GCM1: variants seen among roughly 807,000 people sequenced by gnomAD.
GCM1 encodes the protein chorion-specific transcription factor GCMa.
GCM1 carries 2 observed loss-of-function variants against 25.7 expected under a neutral mutation model. That is an observed-to-expected ratio of 0.08 (90% confidence interval 0.03 to 0.24). The LOEUF (loss-of-function observed/expected upper bound fraction) is 0.24, where lower values mean the gene tolerates loss of function less well. GCM1 is among the 10% of genes least tolerant of loss of function. GCM1 has a pLI of 1.00. For synonymous variants in GCM1, 183 were observed against 195.7 expected, an observed-to-expected ratio of 0.94 and a Z score of 0.54; for missense variants, 395 against 538.7, an observed-to-expected ratio of 0.73 and a Z score of 2.64.
intron 2 of GCM1, among the ~76,000 whole-genome samples, 200 bp downstream of exon 2, chr6:53,145,358 C>T (rs991712781): frequency 1.6e-4 from 24 of 152,114 alleles, no homozygotes; most frequent in African/African-American, 5.8e-4. Flanking sequence ...GTGTGGGAGT[C>T]TGGTAAGTAA....
intron 4 of GCM1, 145 bp downstream of exon 4, chr6:53,131,862 A>G (rs1305045987): frequency 4.7e-6 from 3 of 644,936 alleles, no homozygotes; most frequent in South Asian, 3.6e-5. Context: ...TCAAACATCT[A>G]TTAGAAGTGC....
chr6:53,132,870 G>A (rs1165991466), intron 3 of GCM1, among the ~76,000 whole-genome samples: 1 of 152,186 alleles, frequency 6.6e-6, no homozygotes, highest in Non-Finnish European at 1.5e-5. Context: ...ACAAACTACT[G>A]GGAAAAATAT....
At chr6:53,132,626 C>T (rs542038084) in intron 3 of GCM1, among the ~76,000 whole-genome samples, 68 of 152,242 alleles carry the variant, frequency 4.5e-4, no homozygotes, top group South Asian at 2.1e-4. Context: ...GCAGGAGAAT[C>T]GCTTGAACCT....
intron 3 of GCM1, 118 bp downstream of exon 3, chr6:53,133,954 C>T: frequency 3.0e-6 from 3 of 993,866 alleles, no homozygotes; most frequent in Non-Finnish European, 4.5e-6. Flanking sequence ...GCCTTGGCTG[C>T]CACTACACTC....
chr6:53,143,415 C>T (rs1763909139), intron 2 of GCM1, among the ~76,000 whole-genome samples: 1 of 152,098 alleles, frequency 6.6e-6, no homozygotes, highest in Non-Finnish European at 1.5e-5. Context: ...AAAAAATTGC[C>T]AGTTAAGACA....
Position 53,142,000 on chromosome 6 carries a change from G to GGAAAAAAAAAAAAAAAAAAAAAAAA in GCM1, c.75+3557_75+3558insTTTTTTTTTTTTTTTTTTTTTTTTC, listed in dbSNP as rs1259951702. 3.3e-4 allele frequency among the ~76,000 whole-genome samples: 4 copies of GGAAAAAAAAAAAAAAAAAAAAAAAA among 12,292 alleles called. 1 individual carries two copies. Among genetic ancestry groups the GGAAAAAAAAAAAAAAAAAAAAAAAA allele is most frequent in the Admixed American group, 1.5e-3 (1 of 666 alleles). 8.1% of individuals were successfully genotyped at this position (12,292 alleles called of 152,430 possible). A position where few individuals can be genotyped will look rare whatever the true frequency, so the allele number is the denominator to read the frequency against. ...GCTTGGGTAATGAGAGTGAGACCCT[G>GGAAAAAAAAAAAAAAAAAAAAAAAA]AAAAAAAAAAAAAAAAAAAAAAAAA... On this transcript the variant is annotated intron_variant, in intron 2 of 5. Transcript: ENST00000259803.
At chr6:53,147,466 T>A (rs1763976307) in intron 1 of GCM1, among the ~76,000 whole-genome samples, 1 of 141,232 alleles carries the variant, frequency 7.1e-6, no homozygotes, top group Non-Finnish European at 1.5e-5. Flanking sequence ...CTTACTCTTA[T>A]CACCCAGGCT....
chr6:53,145,316 G>A (rs1314627643), intron 2 of GCM1, among the ~76,000 whole-genome samples: 1 of 152,156 alleles, frequency 6.6e-6, no homozygotes, highest in Non-Finnish European at 1.5e-5. Context: ...GAAAGAGAAG[G>A]GAAGTAGAAA....
Position 53,128,071 on chromosome 6 carries a change from GA to G in GCM1, c.*134del. 2 of 191,934 alleles carry G rather than the reference GA, an allele frequency of 1.0e-5. No individual in the cohort carries two copies. The highest frequency in any genetic ancestry group is 9.3e-6 in the Non-Finnish European group (1 of 107,818). 11.9% of individuals were successfully genotyped at this position (191,934 alleles called of 1,614,324 possible). A position where few individuals can be genotyped will look rare whatever the true frequency, so the allele number is the denominator to read the frequency against. On this transcript the variant is annotated 3_prime_UTR_variant, in exon 6 of 6. Transcript: ENST00000259803. ...AAAAAAAAGAAGGAAAAAAGAAAAA[GA>G]AAAAAGCCTTGTCTACTGCTTATCA... is the stretch of plus-strand genomic sequence containing the variant.
At chr6:53,136,785 C>A (rs1763805401) in intron 2 of GCM1, among the ~76,000 whole-genome samples, 1 of 151,798 alleles carries the variant, frequency 6.6e-6, no homozygotes, top group Non-Finnish European at 1.5e-5. Flanking sequence ...GACCAGCCTG[C>A]CCAACATGGC....
chr6:53,133,771 G>A (rs1198511740), intron 3 of GCM1, among the ~76,000 whole-genome samples: 1 of 152,182 alleles, frequency 6.6e-6, no homozygotes, highest in Admixed American at 6.5e-5. Flanking sequence ...TGAGATTACA[G>A]GTGTGAGCCA....
At chr6:53,138,809 T>A (rs1763835198) in intron 2 of GCM1, among the ~76,000 whole-genome samples, 1 of 152,194 alleles carries the variant, frequency 6.6e-6, no homozygotes, top group Admixed American at 6.5e-5. Context: ...CTGGGTATAA[T>A]TTTTTACTAA....
rs1312480989 is a variant in GCM1 at position 53,142,021 on chromosome 6, A to G, written c.75+3537T>C. 8.7e-5 allele frequency among the ~76,000 whole-genome samples: 12 copies of G among 138,048 alleles called. 1 individual carries two copies. Among genetic ancestry groups the G allele is most frequent in the Middle Eastern group, 3.7e-3 (1 of 272 alleles). 90.6% of individuals were successfully genotyped at this position (138,048 alleles called of 152,430 possible). On this transcript the variant is annotated intron_variant, in intron 2 of 5. Transcript: ENST00000259803. ...CCCTGAAAAAAAAAAAAAAAAAAAA[A>G]AAAAAAAAAAAAAAAAAAAACAGAA...
chr6:53,142,870 C>CA (rs60718730), intron 2 of GCM1, among the ~76,000 whole-genome samples: 2,167 of 37,294 alleles, frequency 0.058, 223 homozygotes, highest in Non-Finnish European at 0.084. Context: ...CAAGGATCTC[C>CA]AAAAAAAAAA....
At chr6:53,139,800 G>T (rs559806957) in intron 2 of GCM1, among the ~76,000 whole-genome samples, 53 of 152,232 alleles carry the variant, frequency 3.5e-4, no homozygotes, top group Middle Eastern at 6.8e-3. Flanking sequence ...GGCAGAGGTT[G>T]CAGTGAGCTG....
intron 5 of GCM1, among the ~76,000 whole-genome samples, chr6:53,129,926 T>C (rs1344875600): frequency 3.3e-5 from 5 of 152,200 alleles, no homozygotes; most frequent in Admixed American, 6.5e-5. Flanking sequence ...AATTAAGTTA[T>C]GCTCTTGTTT....
chr6:53,141,038 T>A (rs2518578), intron 2 of GCM1, among the ~76,000 whole-genome samples: 22 of 152,112 alleles, frequency 1.4e-4, no homozygotes, highest in Non-Finnish European at 2.1e-4. Context: ...TTACACAAAC[T>A]CTTCTGGCCT....
chr6:53,139,587 G>A (rs1031822680), intron 2 of GCM1, among the ~76,000 whole-genome samples: 5 of 151,770 alleles, frequency 3.3e-5, no homozygotes, highest in Admixed American at 6.6e-5. Context: ...CTCAGGACAG[G>A]CCAGGCGCGG....
Position 53,128,909 on chromosome 6 carries a change from G to A in GCM1, c.608C>T (p.Pro203Leu). The change falls in exon 6 of 6, where the codon CCT (proline) becomes CTT (leucine). Residue 203 changes from proline (P) to leucine (L), a missense_variant. Around this residue, in one of 5 missense-constraint regions of GCM1, gnomAD observed 291 missense variants for 314.6 expected, o/e 0.92. Coordinates refer to ENST00000259803, the MANE Select transcript of GCM1 (RefSeq NM_003643.4). ...PGETQSQGSLPLTWSFQEGVQ... is the reference protein window; with the variant it reads ...PGETQSQGSLLLTWSFQEGVQ... ...GCCTTCCTGGAAAGACCAAGTTAAA[G>A]GTAAACTCCCCTGACTTTGTGTTTC... is the stretch of plus-strand genomic sequence containing the variant. The A allele has an allele frequency of 6.2e-7, 1 of 1,613,126 alleles. No individual in the cohort carries two copies. Among genetic ancestry groups the A allele is most frequent in the East Asian group, 2.2e-5 (1 of 44,878 alleles).
Sources: gnomAD v4.1 joint callset for allele counts (sites outside exome capture counted in the v4.1 genomes callset) on GRCh38, gnomAD v4.1.1 for gene constraint, gnomAD v4.1.1 regional missense constraint, MANE v1.5 for transcripts, NCBI Gene and HGNC (gene_info 2026-07-23, HGNC 2026-07-21) for gene names.